The following SEC14L5 variants were observed in gnomAD, a reference collection of about 807,000 sequenced individuals.
The protein encoded by SEC14L5 is SEC14-like protein 5.
SEC14L5 carries 96 observed loss-of-function variants against 84.6 expected under a neutral mutation model. That is an observed-to-expected ratio of 1.13 (90% CI 0.96 to 1.34). The LOEUF is 1.34. Ranked by LOEUF, SEC14L5 falls within the 40% of genes most tolerant of loss-of-function variation. The pLI is 0.00. For synonymous variants in SEC14L5, 546 were observed against 383.4 expected (o/e 1.42, Z -4.95); for missense variants, 1,224 against 942.5 (o/e 1.30, Z -3.91).
At chr16:5,012,419 G>C (rs1955816054) in intron 15 of SEC14L5, among the ~76,000 whole-genome samples, 1 of 152,200 alleles carries the variant, frequency 6.6e-6, no homozygotes. Context: ...AGCCTCATGA[G>C]AAAATCAGTT....
At chr16:4,967,828 A>C (rs1955223364) in intron 2 of SEC14L5, among the ~76,000 whole-genome samples, 1 of 149,708 alleles carries the variant, frequency 6.7e-6, no homozygotes, top group Non-Finnish European at 1.5e-5. Context: ...AGGTCACTTG[A>C]ACTCCTGACC....
rs199905767 is a variant in SEC14L5 at position 5,011,152 on chromosome 16, C to G, written c.1858C>G (p.Pro620Ala). 44 of 1,612,436 alleles carry G rather than the reference C, an allele frequency of 2.7e-5. No individual in the cohort carries two copies. Among genetic ancestry groups the G allele is most frequent in the South Asian group, 1.7e-4 (15 of 90,802 alleles). ...VYLLQWQMHS[P>A]PSSVACSLPG... Reference sequence around the variant, plus strand: ...CCTGCTCCAGTGGCAAATGCACAGCCCCCCCAGCAGCGTGGCCTGCAGCCT... The same window carrying G: ...CCTGCTCCAGTGGCAAATGCACAGCGCCCCCAGCAGCGTGGCCTGCAGCCT... Residue 620 changes from proline to alanine, a missense_variant, in exon 15 of 16, where the codon CCC becomes GCC. Transcript: ENST00000251170.
chr16:4,998,797 C>T (rs184517889), intron 8 of SEC14L5, among the ~76,000 whole-genome samples: 1 of 148,638 alleles, frequency 6.7e-6, no homozygotes, highest in African/African-American at 2.5e-5. Context: ...GTAGGGTAAA[C>T]GCTTGACTCT....
In SEC14L5 at chr16:5,007,472, G is replaced by A. The variant is rs752031498; in HGVS notation, c.1558G>A (p.Gly520Arg). The stretch of plus-strand genomic sequence containing the variant: ...CTACCATTCAGCCAGCGTGCTCCGC[G>A]GAGCCCCCCACGAGGTGCCAGGGCC... ...ETYHSASVLR[G>R]APHEVAVEIL... is the part of the protein sequence containing the mutation. The change falls in exon 13 of 16, where the codon GGA becomes AGA. Residue 520 changes from glycine (G) to arginine (R), a missense_variant. Gly to Arg is a moderately radical substitution (Grantham distance 125, BLOSUM62 -2). Coordinates refer to ENST00000251170, the MANE Select transcript of SEC14L5 (RefSeq NM_014692.2). 5.0e-6 allele frequency: 8 copies of A among 1,613,474 alleles called. No individual in the cohort carries two copies. Among genetic ancestry groups the A allele is most frequent in the Non-Finnish European group, 6.8e-6 (8 of 1,179,796 alleles).
At chr16:4,980,874 A>T (rs949311734) in intron 2 of SEC14L5, among the ~76,000 whole-genome samples, 1 of 152,054 alleles carries the variant, frequency 6.6e-6, no homozygotes, top group African/African-American at 2.4e-5. Flanking sequence ...CCCATGTCTC[A>T]TGCCTCCCAT....
rs1955513861 is a variant in SEC14L5, at chr16:4,988,136, C to T, written c.214-13C>T. 1 of 1,613,570 alleles carries T rather than the reference C, an allele frequency of 6.2e-7. No homozygotes were observed. The highest frequency in any genetic ancestry group is 8.5e-7 in the Non-Finnish European group (1 of 1,179,586). ...GCCCACCCACCTCCGCCTCCCCGCC[C>T]CTTCCCTTGCAGATCGCAGGTGTTG... On this transcript the variant is annotated splice_polypyrimidine_tract_variant and intron_variant, in intron 3 of 15. Transcript: ENST00000251170.
chr16:5,000,773 G>C (rs377515545), intron 9 of SEC14L5, 30 bp downstream of exon 9: 1 of 1,555,328 alleles, frequency 6.4e-7, no homozygotes, highest in Admixed American at 1.9e-5. Context: ...CCTGGACGCC[G>C]TGCCTGGGGC....
intron 10 of SEC14L5, among the ~76,000 whole-genome samples, chr16:5,001,478 C>G (rs1448427359): frequency 6.6e-6 from 1 of 152,136 alleles, no homozygotes; most frequent in Non-Finnish European, 1.5e-5. Context: ...CCAGAATGGT[C>G]TCGGTCTCCT....
chr16:4,964,310 C>A (rs35637419), intron 2 of SEC14L5, among the ~76,000 whole-genome samples: 1 of 151,636 alleles, frequency 6.6e-6, no homozygotes, highest in South Asian at 2.1e-4. Flanking sequence ...GAACCAGGGC[C>A]GGGCATGGTG....
At chr16:4,981,515 G>A (rs1022248609) in intron 2 of SEC14L5, among the ~76,000 whole-genome samples, 1 of 152,214 alleles carries the variant, frequency 6.6e-6, no homozygotes, top group Non-Finnish European at 1.5e-5. Context: ...CAGGGGTGGT[G>A]TGGCCGCTGC....
At chr16:4,973,816 G>C (rs1955307702) in intron 2 of SEC14L5, among the ~76,000 whole-genome samples, 1 of 151,796 alleles carries the variant, frequency 6.6e-6, no homozygotes, top group Non-Finnish European at 1.5e-5. Context: ...CTGAGTAGCT[G>C]GGACTCCAGG....
At chr16:4,971,384 A>C (rs9889149) in intron 2 of SEC14L5, among the ~76,000 whole-genome samples, 63,726 of 151,362 alleles carry the variant, frequency 0.42, 13,983 homozygotes, top group Non-Finnish European at 0.49. Context: ...AGTGGAGGCC[A>C]GGAGGTCGAG....
chr16:4,959,187 C>A (rs1955088382), intron 1 of SEC14L5, 86 bp from the exon 2 acceptor site: 2 of 687,146 alleles, frequency 2.9e-6, no homozygotes, highest in Non-Finnish European at 5.3e-6. Context: ...GTGGGTGGGG[C>A]CAGGGGCTGC....
chr16:5,009,623 C>G (rs1955776919), intron 14 of SEC14L5, among the ~76,000 whole-genome samples: 1 of 152,118 alleles, frequency 6.6e-6, no homozygotes. Context: ...CATGGCTGGC[C>G]TCACCCTAAA....
chr16:5,004,250 C>G (rs960656172), intron 11 of SEC14L5, among the ~76,000 whole-genome samples: 4 of 152,268 alleles, frequency 2.6e-5, no homozygotes, highest in Middle Eastern at 6.8e-3. Flanking sequence ...AGGAAGTTCT[C>G]TAGCTTTTGT....
Position 4,992,030 on chromosome 16 carries a change from G to A in SEC14L5, c.667G>A (p.Gly223Arg), listed in dbSNP as rs1423195457. The A allele has an allele frequency of 1.9e-6, 3 of 1,557,844 alleles. No individual in the cohort carries two copies. Among genetic ancestry groups the A allele is most frequent in the East Asian group, 2.3e-5 (1 of 42,874 alleles). The change falls in exon 6 of 16, where the codon GGG becomes AGG. Residue 223 changes from glycine (G) to arginine (R), a missense_variant and splice_region_variant. Physicochemically the swap from Gly to Arg is moderately radical, Grantham distance 125 (BLOSUM62 -2). Transcript: ENST00000251170. Reference protein sequence around the residue: ...GPALEAVSMDGDKLDADYIER... With the variant: ...GPALEAVSMDRDKLDADYIER... The stretch of plus-strand genomic sequence containing the variant: ...CGCTCTGGAGGCGGTCAGTATGGAC[G>A]GTAGGTGGTACAGCCCAGGCCAGTC...
Position 5,016,247 on chromosome 16 carries a change from G to T in SEC14L5, c.*1277G>T, listed in dbSNP as rs970737135. The T allele has an allele frequency of 2.0e-5, 3 of 152,196 alleles. No individual in the cohort carries two copies. The highest frequency in any genetic ancestry group is 7.2e-5 in the African/African-American group (3 of 41,434). 9.4% of individuals were successfully genotyped at this position (152,196 alleles called of 1,614,324 possible). A position where few individuals can be genotyped will look rare whatever the true frequency, so the allele number is the denominator to read the frequency against. ...TAGTTACTACACAGGAGCGTCTTGG[G>T]TCTCCTTGGGGCCTGAGGACATTTC... On this transcript the variant is annotated 3_prime_UTR_variant, in exon 16 of 16. Coordinates refer to ENST00000251170, the MANE Select transcript of SEC14L5 (RefSeq NM_014692.2).
intron 15 of SEC14L5, among the ~76,000 whole-genome samples, 159 bp downstream of exon 15, chr16:5,011,432 T>G (rs1481133347): frequency 6.6e-6 from 1 of 152,192 alleles, no homozygotes; most frequent in Non-Finnish European, 1.5e-5. Context: ...AGCCCCGCAC[T>G]AGGGTGTGAG....
intron 10 of SEC14L5, among the ~76,000 whole-genome samples, chr16:5,002,384 C>T (rs914565725): frequency 1.3e-5 from 2 of 151,782 alleles, no homozygotes; most frequent in Admixed American, 1.3e-4. Flanking sequence ...CCAACCTCCA[C>T]CTCCTGGGTT....
Sources: gnomAD v4.1 joint callset for allele counts (sites outside exome capture counted in the v4.1 genomes callset) on GRCh38, gnomAD v4.1.1 for gene constraint, MANE v1.5 for transcripts, NCBI Gene and HGNC (gene_info 2026-07-23, HGNC 2026-07-21) for gene names.